SPATA45: variants seen among roughly 807,000 people sequenced by gnomAD.
SPATA45 encodes spermatogenesis-associated protein 45.
In SPATA45, 5 loss-of-function variants were observed where a neutral mutation model predicts 7.0. The observed-to-expected ratio is 0.71, with a 90% CI of 0.37 to 1.50. SPATA45 has a LOEUF of 1.50. Among genes scored for constraint, SPATA45 ranks in the 40% most tolerant of loss-of-function variants. The probability of loss-of-function intolerance (pLI) is 0.03; values close to 1 mark genes in which losing one functional copy is unlikely to be tolerated. For missense variants in SPATA45, 111 were observed against 114.9 expected (o/e 0.97, Z 0.16); for synonymous variants, 40 against 38.7 (o/e 1.03, Z -0.13).
In SPATA45 at chr1:212,830,364, G is replaced by A. The variant is rs1394322466; in HGVS notation, c.278-103C>T. On this transcript the variant is annotated intron_variant, in intron 2 of 2. Coordinates refer to ENST00000332912, the MANE Select transcript of SPATA45 (RefSeq NM_001024601.3). ...GCAGAGTATTGTTTTTCAGATACAG[G>A]AACTAAGGTTTAGAAACACCAAATG... 4.4e-6 allele frequency: 3 copies of A among 685,048 alleles called. 1 individual carries two copies. Among genetic ancestry groups the A allele is most frequent in the South Asian group, 3.8e-5 (2 of 52,976 alleles). 42.4% of individuals were successfully genotyped at this position (685,048 alleles called of 1,614,324 possible). A position where few individuals can be genotyped will look rare whatever the true frequency, so the allele number is the denominator to read the frequency against.
chr1:212,836,815 A>ATT (rs201077050), intron 1 of SPATA45, among the ~76,000 whole-genome samples: 1 of 137,628 alleles, frequency 7.3e-6, no homozygotes, highest in African/African-American at 2.7e-5. Flanking sequence ...TGCCCAGCTA[A>ATT]TTTTTTTTTT....
chr1:212,847,381 G>C (rs1344935124), intron 1 of SPATA45, among the ~76,000 whole-genome samples, 199 bp downstream of exon 1: 1 of 152,076 alleles, frequency 6.6e-6, no homozygotes, highest in Non-Finnish European at 1.5e-5. Context: ...TATTGCTTTT[G>C]AGCCATTGTA....
At chr1:212,840,922 G>A (rs371091072) in intron 1 of SPATA45, among the ~76,000 whole-genome samples, 1 of 151,986 alleles carries the variant, frequency 6.6e-6, no homozygotes, top group African/African-American at 2.4e-5. Flanking sequence ...CCGGCTCCGC[G>A]CTCACCTTTT....
At chr1:212,844,625 C>T (rs1345171114) in intron 1 of SPATA45, among the ~76,000 whole-genome samples, 3 of 152,120 alleles carry the variant, frequency 2.0e-5, no homozygotes, top group East Asian at 1.9e-4. Flanking sequence ...ACTGCTCTGC[C>T]CCCCTCCACT....
intron 2 of SPATA45, among the ~76,000 whole-genome samples, chr1:212,834,454 CTT>C (rs751372594): frequency 2.1e-5 from 3 of 142,834 alleles, no homozygotes; most frequent in Admixed American, 7.1e-5. Flanking sequence ...CCTTCGTCCA[CTT>C]TTTTTTTTTT....
intron 1 of SPATA45, among the ~76,000 whole-genome samples, chr1:212,838,025 G>T (rs1328028374): frequency 1.3e-5 from 2 of 151,682 alleles, no homozygotes; most frequent in Non-Finnish European, 3.0e-5. Flanking sequence ...ATGGGGCTGG[G>T]CGTGATGGCT....
At chr1:212,843,507 T>C (rs1349852284) in intron 1 of SPATA45, among the ~76,000 whole-genome samples, 1 of 152,234 alleles carries the variant, frequency 6.6e-6, no homozygotes, top group East Asian at 1.9e-4. Flanking sequence ...CAGTTTCTAA[T>C]CTTGTTTACT....
In SPATA45 at chr1:212,832,405, C is replaced by A. The variant is rs143060441; in HGVS notation, c.278-2144G>T. Among the ~76,000 whole-genome samples, 40 of 112,472 alleles carry A rather than the reference C, an allele frequency of 3.6e-4. 1 individual carries two copies. The East Asian group carries it at 0.01, about 28-fold the overall frequency. The allele number at this position is 112,472 out of a possible 152,430, so 73.8% of individuals were successfully genotyped here. A position where few individuals can be genotyped will look rare whatever the true frequency, so the allele number is the denominator to read the frequency against. On this transcript the variant is annotated intron_variant, in intron 2 of 2. Transcript: ENST00000332912. ...TTTTTTAGAAATAGAGAAGAGGTCT[C>A]TCTATGTTGCCCAGGCTACTCTCAA...
intron 1 of SPATA45, among the ~76,000 whole-genome samples, chr1:212,838,101 G>C (rs968110655): frequency 1.3e-5 from 2 of 151,376 alleles, no homozygotes; most frequent in Non-Finnish European, 1.5e-5. Context: ...AGGAGTTCGA[G>C]ACCAGCCTGT....
At chr1:212,840,565 G>C (rs1237553832) in intron 1 of SPATA45, among the ~76,000 whole-genome samples, 5 of 151,360 alleles carry the variant, frequency 3.3e-5, no homozygotes, top group Admixed American at 3.3e-4. Flanking sequence ...GGATTACAGA[G>C]GCGCACCACC....
chr1:212,835,330 C>G (rs767567411), intron 2 of SPATA45, among the ~76,000 whole-genome samples: 5 of 151,324 alleles, frequency 3.3e-5, no homozygotes, highest in African/African-American at 4.8e-5. Flanking sequence ...TCAAGACCAG[C>G]CTGACCAACA....
intron 1 of SPATA45, among the ~76,000 whole-genome samples, chr1:212,846,878 T>G (rs992648488): frequency 1.1e-4 from 16 of 152,052 alleles, no homozygotes; most frequent in African/African-American, 3.9e-4. Context: ...CTTTGAAACT[T>G]CTTTTTCTTT....
chr1:212,830,394 G>A (rs1246115640), intron 2 of SPATA45, 133 bp from the exon 3 acceptor site: 12 of 529,276 alleles, frequency 2.3e-5, no homozygotes, highest in East Asian at 3.6e-5. Flanking sequence ...CAAATGGGCC[G>A]GGTGCGGTGG....
chr1:212,837,772 A>T (rs1206050008), intron 1 of SPATA45, among the ~76,000 whole-genome samples: 4 of 151,858 alleles, frequency 2.6e-5, no homozygotes, highest in Admixed American at 1.3e-4. Context: ...ATTGCACTCC[A>T]GCCTGGGTGT....
At chr1:212,845,701 G>A (rs1387216632) in intron 1 of SPATA45, among the ~76,000 whole-genome samples, 1 of 151,968 alleles carries the variant, frequency 6.6e-6, no homozygotes, top group African/African-American at 2.4e-5. Context: ...CTCTTATTCT[G>A]GTTCCCGTTC....
At chr1:212,842,864 G>A (rs367806384) in intron 1 of SPATA45, among the ~76,000 whole-genome samples, 14 of 151,716 alleles carry the variant, frequency 9.2e-5, no homozygotes, top group Admixed American at 3.3e-4. Context: ...CGAGGCAGGC[G>A]GATCACTAGG....
At chr1:212,830,748 T>A (rs1428521990) in intron 2 of SPATA45, among the ~76,000 whole-genome samples, 1 of 145,442 alleles carries the variant, frequency 6.9e-6, no homozygotes, top group Non-Finnish European at 1.5e-5. Context: ...TTTGAGAGAC[T>A]GAGGTGGGCG....
At chr1:212,839,454 A>C (rs1454866464) in intron 1 of SPATA45, among the ~76,000 whole-genome samples, 9 of 151,112 alleles carry the variant, frequency 6.0e-5, no homozygotes, top group African/African-American at 2.2e-4. Context: ...TTGTCTCTAC[A>C]GAAAATTCAA....
chr1:212,836,479 C>T (rs1354181092), intron 1 of SPATA45, among the ~76,000 whole-genome samples: 11 of 151,390 alleles, frequency 7.3e-5, no homozygotes, highest in African/African-American at 2.4e-4. Flanking sequence ...TACAGGCGCG[C>T]ACTACCATGC....
Sources: allele counts gnomAD v4.1 joint callset (sites outside exome capture counted in the v4.1 genomes callset), GRCh38; gene constraint gnomAD v4.1.1; transcripts MANE v1.5; gene names NCBI Gene and HGNC (gene_info 2026-07-23, HGNC 2026-07-21).